Variants in CD300LB observed in about 807,000 individuals in gnomAD.
CD300LB encodes CMRF35-like molecule 7.
Under a neutral mutation model 20.8 loss-of-function variants are expected in CD300LB, and 18 were observed. The observed-to-expected ratio is 0.87, with a 90% CI of 0.60 to 1.28. CD300LB has a LOEUF of 1.28. Ranked by LOEUF, CD300LB falls within the 50% of genes most tolerant of loss-of-function variation. The probability of loss-of-function intolerance (pLI) is 0.00; values close to 1 mark genes in which losing one functional copy is unlikely to be tolerated. For missense variants in CD300LB, 222 were observed against 251.8 expected, an observed-to-expected ratio of 0.88 and a Z score of 0.80; for synonymous variants, 91 against 91.3, an observed-to-expected ratio of 1.00 and a Z score of 0.02.
In CD300LB at chr17:74,523,484, G is replaced by A. The variant is rs57288996; in HGVS notation, c.443+95C>T. 3,735 of 864,542 alleles carry A rather than the reference G, an allele frequency of 4.3e-3. 88 individuals carry two copies. In the African/African-American group the frequency reaches 0.053, roughly 12 times the overall value. 53.6% of individuals were successfully genotyped at this position (864,542 alleles called of 1,614,324 possible). On this transcript the variant is annotated intron_variant, in intron 3 of 3. Transcript: ENST00000392621. ...GGGGCCTTGACTCTGGCTAGAACAGGTGCTGGCATTTGGTGACAGGCAGGA... is the reference window on the plus strand; with the variant it reads ...GGGGCCTTGACTCTGGCTAGAACAGATGCTGGCATTTGGTGACAGGCAGGA...
chr17:74,531,258 C>G, intron 1 of CD300LB, 53 bp downstream of exon 1: 1 of 1,468,466 alleles, frequency 6.8e-7, no homozygotes, highest in South Asian at 1.4e-5. Context: ...ATGCCCTCTG[C>G]CTCCTGCCCT....
At position 74,522,764 on chromosome 17, in the gene CD300LB, G is replaced by A. The variant is rs1170160648; in HGVS notation, c.580C>T (p.Pro194Ser). 3.7e-6 allele frequency: 6 copies of A among 1,614,206 alleles called. No homozygotes were observed. The highest frequency in any genetic ancestry group is 3.3e-5 in the Admixed American group (2 of 60,016). ...TAAGTGGCCATGTCTTTAGTCAGAGGTTCGGAGAAGTTCATGTAGATAGGC... is the reference window on the plus strand; with the variant it reads ...TAAGTGGCCATGTCTTTAGTCAGAGATTCGGAGAAGTTCATGTAGATAGGC... ...EQPIYMNFSE[P>S]LTKDMAT Residue 194 changes from proline to serine, a missense_variant, in exon 4 of 4, where the codon CCT (proline) becomes TCT (serine). Coordinates refer to ENST00000392621, the MANE Select transcript of CD300LB (RefSeq NM_174892.4).
rs1455715130 is a variant in CD300LB at position 74,523,713 on chromosome 17, CA to C, written c.371-63del. 12 of 1,095,234 alleles carry C rather than the reference CA, an allele frequency of 1.1e-5. No homozygotes were observed. In the East Asian group the frequency reaches 2.3e-4, roughly 21 times the overall value. 67.8% of individuals were successfully genotyped at this position (1,095,234 alleles called of 1,614,324 possible). ...CAGTTGGGAGCTCATGCATGGGTCA[CA>C]AAGCCACGCGACCCTGCCAGCCCTC... is the stretch of plus-strand genomic sequence containing the variant. On this transcript the variant is annotated intron_variant, in intron 2 of 3. Transcript: ENST00000392621.
At chr17:74,529,039 A>T (rs1185486163) in intron 1 of CD300LB, among the ~76,000 whole-genome samples, 2 of 152,132 alleles carry the variant, frequency 1.3e-5, no homozygotes, top group African/African-American at 4.8e-5. Context: ...CTGAGGTGGG[A>T]GGATCGCCTG....
intron 2 of CD300LB, 127 bp downstream of exon 2, chr17:74,525,621 G>C (rs35479810): frequency 0.034 from 24,827 of 725,738 alleles, 2,125 homozygotes; most frequent in African/African-American, 0.27. Flanking sequence ...CTGTCTGTCT[G>C]TCTCTCTCTC....
chr17:74,523,290 T>C (rs1193203997), intron 3 of CD300LB: 1 of 538,790 alleles, frequency 1.9e-6, no homozygotes, highest in Non-Finnish European at 3.4e-6. Flanking sequence ...GAGGGTGGTA[T>C]CTTATCTCCC....
At chr17:74,528,769 C>T (rs747304621) in intron 1 of CD300LB, among the ~76,000 whole-genome samples, 5 of 152,206 alleles carry the variant, frequency 3.3e-5, no homozygotes, top group Non-Finnish European at 7.3e-5. Flanking sequence ...TGCTTAACCT[C>T]TGCAAGTATC....
chr17:74,531,313 G>A lies in CD300LB; in HGVS notation c.38C>T (p.Ser13Leu), dbSNP rs1908207021. ...LPPALLLLSL[S>L]GCFSIQGPES... ...CCCAAGGCCCCAGCCCCACTCACCT[G>A]AGAGGCTGAGAAGGAGCAGAGCAGG... Residue 13 changes from serine (S) to leucine (L), a missense_variant and splice_region_variant, in exon 1 of 4, where the codon TCA becomes TTA. By Grantham distance (145) the Ser-to-Leu change is moderately radical. Coordinates refer to ENST00000392621, the MANE Select transcript of CD300LB (RefSeq NM_174892.4). The A allele has an allele frequency of 6.3e-7, 1 of 1,586,286 alleles. No individual in the cohort carries two copies. The highest frequency in any genetic ancestry group is 8.6e-7 in the Non-Finnish European group (1 of 1,166,344).
chr17:74,522,832 C>G lies in CD300LB; in HGVS notation c.512G>C (p.Trp171Ser). Reference protein sequence around the residue: ...ILLILVTAILWLKGSQRVPEE... With the variant: ...ILLILVTAILSLKGSQRVPEE... Reference sequence around the variant, plus strand: ...AGGGACCCTCTGAGACCCCTTCAACCAGAGGATGGCAGTGACCAAGATGAG... The same window carrying G: ...AGGGACCCTCTGAGACCCCTTCAACGAGAGGATGGCAGTGACCAAGATGAG... The change falls in exon 4 of 4, where the codon TGG (tryptophan) becomes TCG (serine). Residue 171 changes from tryptophan (W) to serine (S), a missense_variant. By Grantham distance (177) the Trp-to-Ser change is radical. Coordinates refer to ENST00000392621, the MANE Select transcript of CD300LB (RefSeq NM_174892.4). 1 of 1,614,082 alleles carries G rather than the reference C, an allele frequency of 6.2e-7. No individual in the cohort carries two copies. Among genetic ancestry groups the G allele is most frequent in the Non-Finnish European group, 8.5e-7 (1 of 1,180,012 alleles).
Position 74,521,377 on chromosome 17 carries a change from C to T in CD300LB, c.*1361G>A, listed in dbSNP as rs1430480937. 7 of 985,592 alleles carry T rather than the reference C, an allele frequency of 7.1e-6. No homozygotes were observed. Among genetic ancestry groups the T allele is most frequent in the Non-Finnish European group, 8.4e-6 (7 of 830,064 alleles). The allele number at this position is 985,592 out of a possible 1,614,324, so 61.1% of individuals were successfully genotyped here. A position where few individuals can be genotyped will look rare whatever the true frequency, so the allele number is the denominator to read the frequency against. On this transcript the variant is annotated 3_prime_UTR_variant, in exon 4 of 4. Transcript: ENST00000392621. ...GGAAGCTGGATCCAGGAAAGCATTCCAGGAGGTAGGGCCCTGGGGCTGGTG... is the reference window on the plus strand; with the variant it reads ...GGAAGCTGGATCCAGGAAAGCATTCTAGGAGGTAGGGCCCTGGGGCTGGTG...
At chr17:74,524,494 G>A (rs1907972788) in intron 2 of CD300LB, among the ~76,000 whole-genome samples, 1 of 152,136 alleles carries the variant, frequency 6.6e-6, no homozygotes, top group South Asian at 2.1e-4. Flanking sequence ...AAGCTGAAGT[G>A]GAAGGATTGA....
chr17:74,522,601 C>T lies in CD300LB; in HGVS notation c.*137G>A, dbSNP rs902710962. Reference sequence around the variant, plus strand: ...CTGTGCAGAACAGGGAGGTGCCCACCAGCTCCAAGGCCAGGGCGGAGGCCC... The same window carrying T: ...CTGTGCAGAACAGGGAGGTGCCCACTAGCTCCAAGGCCAGGGCGGAGGCCC... On this transcript the variant is annotated 3_prime_UTR_variant, in exon 4 of 4. Coordinates refer to ENST00000392621, the MANE Select transcript of CD300LB (RefSeq NM_174892.4). 1.3e-6 allele frequency: 2 copies of T among 1,481,494 alleles called. No individual in the cohort carries two copies. Among genetic ancestry groups the T allele is most frequent in the African/African-American group, 2.8e-5 (2 of 71,296 alleles). 91.8% of individuals were successfully genotyped at this position (1,481,494 alleles called of 1,614,324 possible).
chr17:74,524,701 T>C (rs1424841624), intron 2 of CD300LB, among the ~76,000 whole-genome samples: 2 of 152,220 alleles, frequency 1.3e-5, no homozygotes, highest in African/African-American at 2.4e-5. Flanking sequence ...ACAGTTCCTA[T>C]GGAGCCCCTG....
In CD300LB at chr17:74,521,471, G is replaced by A. The variant is rs1212516124; in HGVS notation, c.*1267C>T. 2.0e-6 allele frequency: 2 copies of A among 985,314 alleles called. No individual in the cohort carries two copies. The highest frequency in any genetic ancestry group is 2.3e-4 in the East Asian group (2 of 8,822). The allele number at this position is 985,314 out of a possible 1,614,324, so 61.0% of individuals were successfully genotyped here. On this transcript the variant is annotated 3_prime_UTR_variant, in exon 4 of 4. Coordinates refer to ENST00000392621, the MANE Select transcript of CD300LB (RefSeq NM_174892.4). ...AGCCGGGCTCGAACTCTCCTCTCTG[G>A]CCATTATGGAATTTTCAGGCCCATC... is the stretch of plus-strand genomic sequence containing the variant.
Position 74,522,633 on chromosome 17 carries a change from C to T in CD300LB, c.*105G>A. 3 of 1,548,202 alleles carry T rather than the reference C, an allele frequency of 1.9e-6. No individual in the cohort carries two copies. Among genetic ancestry groups the T allele is most frequent in the Non-Finnish European group, 1.7e-6 (2 of 1,148,140 alleles). On this transcript the variant is annotated 3_prime_UTR_variant, in exon 4 of 4. Coordinates refer to ENST00000392621, the MANE Select transcript of CD300LB (RefSeq NM_174892.4). ...AAGGCCAGGGCGGAGGCCCAGGGCC[C>T]CTATCTCAGTCACTGCATCCCGAGG...
In CD300LB at chr17:74,522,381, G is replaced by T; in HGVS notation, c.*357C>A. On this transcript the variant is annotated 3_prime_UTR_variant, in exon 4 of 4. Transcript: ENST00000392621. ...TGAGTTGGTCTCCGGAATGATGGAAGTCTAGGGCTGGGGGGGTCTCCCCCA... is the reference window on the plus strand; with the variant it reads ...TGAGTTGGTCTCCGGAATGATGGAATTCTAGGGCTGGGGGGGTCTCCCCCA... 9.8e-7 allele frequency: 1 copy of T among 1,020,582 alleles called. No individual in the cohort carries two copies. 63.2% of individuals were successfully genotyped at this position (1,020,582 alleles called of 1,614,324 possible). A position where few individuals can be genotyped will look rare whatever the true frequency, so the allele number is the denominator to read the frequency against.
chr17:74,531,241 A>G, intron 1 of CD300LB, 70 bp downstream of exon 1: 1 of 1,445,042 alleles, frequency 6.9e-7, no homozygotes, highest in Middle Eastern at 2.3e-4. Flanking sequence ...TGGATGTGGA[A>G]GGACAAATGC....
chr17:74,531,360 T>C lies in CD300LB; in HGVS notation c.-10A>G. The C allele has an allele frequency of 6.2e-7, 1 of 1,612,388 alleles. No individual in the cohort carries two copies. Among genetic ancestry groups the C allele is most frequent in the Non-Finnish European group, 8.5e-7 (1 of 1,179,226 alleles). ...CAGGGGGCAGCCACATGGCTCTGCC[T>C]TCCCGGCTCCTCGTCCGCCTGATCT... On this transcript the variant is annotated 5_prime_UTR_variant, in exon 1 of 4. Coordinates refer to ENST00000392621, the MANE Select transcript of CD300LB (RefSeq NM_174892.4).
intron 3 of CD300LB, 188 bp downstream of exon 3, chr17:74,523,391 G>T: frequency 1.7e-6 from 1 of 601,080 alleles, no homozygotes; most frequent in Non-Finnish European, 3.0e-6. Flanking sequence ...CGGTTTTCTG[G>T]TGAGAGCTAG....
Sources: gnomAD v4.1 joint callset for allele counts (sites outside exome capture counted in the v4.1 genomes callset) on GRCh38, gnomAD v4.1.1 for gene constraint, MANE v1.5 for transcripts, NCBI Gene and HGNC (gene_info 2026-07-23, HGNC 2026-07-21) for gene names.